Variants in GRK4 observed in about 807,000 individuals in gnomAD.
GRK4 encodes the protein G protein-coupled receptor kinase 2-like.
GRK4 carries 73 observed loss-of-function variants against 77.9 expected under a neutral mutation model. The observed-to-expected ratio is 0.94, with a 90% CI of 0.78 to 1.14. GRK4 has a LOEUF of 1.14. Ranked by LOEUF, GRK4 falls within the 50% of genes most tolerant of loss-of-function variation. The pLI is 0.00. For missense variants in GRK4, 729 were observed against 700.2 expected, an observed-to-expected ratio of 1.04 and a Z score of -0.46; for synonymous variants, 257 against 254.4, an observed-to-expected ratio of 1.01 and a Z score of -0.10.
intron 4 of GRK4, among the ~76,000 whole-genome samples, chr4:3,003,369 T>G (rs1182902609): frequency 6.6e-6 from 1 of 152,124 alleles, no homozygotes; most frequent in Admixed American, 6.6e-5. Flanking sequence ...TTTGTATTTT[T>G]TAGTAAAGAC....
At chr4:3,037,595 G>GTT in intron 14 of GRK4, 84 bp downstream of exon 14, 1 of 1,429,834 alleles carries the variant, frequency 7.0e-7, no homozygotes, top group Admixed American at 1.9e-5. Flanking sequence ...GTGTGTGTGT[G>GTT]TGTGTCTGTG....
intron 2 of GRK4, chr4:2,987,005 T>C (rs1560383029): frequency 2.1e-5 from 8 of 375,290 alleles, no homozygotes; most frequent in Non-Finnish European, 4.1e-5. Flanking sequence ...AGTATATAAT[T>C]CAATAGTTTT....
intron 3 of GRK4, among the ~76,000 whole-genome samples, chr4:2,991,451 G>A (rs1347330763): frequency 6.6e-6 from 1 of 152,202 alleles, no homozygotes; most frequent in African/African-American, 2.4e-5. Context: ...TGCAGGATCA[G>A]ACTTGCTTTC....
chr4:2,981,678 GA>G (rs1722911444), intron 1 of GRK4, among the ~76,000 whole-genome samples: 1 of 152,228 alleles, frequency 6.6e-6, no homozygotes. Flanking sequence ...GGCGGGCCCA[GA>G]AAAACCACCA....
chr4:2,978,867 C>T (rs549781961), intron 1 of GRK4, among the ~76,000 whole-genome samples: 2 of 152,124 alleles, frequency 1.3e-5, no homozygotes, highest in East Asian at 1.9e-4. Context: ...CCGAGGTGGG[C>T]GGATCTCCTG....
intron 7 of GRK4, among the ~76,000 whole-genome samples, chr4:3,012,844 T>A (rs1733293887): frequency 6.6e-6 from 1 of 152,094 alleles, no homozygotes; most frequent in Admixed American, 6.5e-5. Flanking sequence ...AATTAAAAAA[T>A]CAAGAATCTT....
At chr4:3,023,438 G>A (rs1736611533) in intron 10 of GRK4, among the ~76,000 whole-genome samples, 1 of 152,210 alleles carries the variant, frequency 6.6e-6, no homozygotes, top group Admixed American at 6.5e-5. Context: ...CTGCCGAGAA[G>A]AGGACAGGCG....
intron 1 of GRK4, 132 bp from the exon 2 acceptor site, chr4:2,984,381 G>A (rs972037329): frequency 4.1e-5 from 20 of 491,956 alleles, no homozygotes; most frequent in African/African-American, 3.4e-4. Flanking sequence ...ATTATTATAA[G>A]CATGTATTTT....
At position 2,992,305 on chromosome 4, in the gene GRK4, CT is replaced by C. The variant is rs1260231680; in HGVS notation, c.339+16del. 1 of 1,540,400 alleles carries C rather than the reference CT, an allele frequency of 6.5e-7. No homozygotes were observed. ...CTTCAATGATAAGGTGTGTTTTCTT[CT>C]TTAGAATAAAAATTTGTAGATAAAT... On this transcript the variant is annotated intron_variant, in intron 4 of 15. Coordinates refer to ENST00000398052, the MANE Select transcript of GRK4 (RefSeq NM_182982.3).
intron 4 of GRK4, among the ~76,000 whole-genome samples, chr4:2,998,409 C>T (rs772174068): frequency 3.3e-5 from 5 of 151,848 alleles, no homozygotes; most frequent in Admixed American, 6.6e-5. Flanking sequence ...AAGTAAAACT[C>T]TATTTGCAAA....
intron 1 of GRK4, among the ~76,000 whole-genome samples, chr4:2,975,907 T>A (rs773491372): frequency 7.2e-5 from 11 of 152,226 alleles, no homozygotes; most frequent in Non-Finnish European, 1.3e-4. Flanking sequence ...TCAGTCCTGC[T>A]AAAGTTCCAT....
chr4:3,001,850 C>A (rs1484090155), intron 4 of GRK4, among the ~76,000 whole-genome samples: 2 of 152,092 alleles, frequency 1.3e-5, no homozygotes, highest in African/African-American at 4.8e-5. Flanking sequence ...GTCGCTTGGC[C>A]CTATCACAGT....
rs183415333 is a variant in GRK4 at position 2,969,971 on chromosome 4, A to G, written c.52+5849A>G. 2.3e-3 allele frequency among the ~76,000 whole-genome samples: 351 copies of G among 152,300 alleles called. 3 individuals are homozygous for G. Among genetic ancestry groups the G allele is most frequent in the South Asian group, 4.6e-3 (22 of 4,828 alleles). On this transcript the variant is annotated intron_variant, in intron 1 of 15. Coordinates refer to ENST00000398052, the MANE Select transcript of GRK4 (RefSeq NM_182982.3). ...TGCTGGGATTACAGGGTGAACCACT[A>G]CACCCGGCCTATTAGAATTTTCAAC...
Position 3,006,115 on chromosome 4 carries a change from C to T in GRK4, c.444-1621C>T, listed in dbSNP as rs370141428. On this transcript the variant is annotated intron_variant, in intron 5 of 15. Transcript: ENST00000398052. ...GATTTTCAGGCCAGGCATGGTGGCT[C>T]ACGCCTGTAATCCCAACACTTTGGG... Among the ~76,000 whole-genome samples, 178 of 152,240 alleles carry T rather than the reference C, an allele frequency of 1.2e-3. 2 individuals carry two copies. In the Middle Eastern group the frequency reaches 0.017, roughly 15 times the overall value.
At chr4:2,965,598 A>G in intron 1 of GRK4, 1 of 632,294 alleles carries the variant, frequency 1.6e-6, no homozygotes, top group South Asian at 1.8e-5. Context: ...AGTCCCAGCT[A>G]CTCTGGAAGC....
chr4:2,994,804 C>T (rs1428918226), intron 4 of GRK4, among the ~76,000 whole-genome samples: 3 of 151,966 alleles, frequency 2.0e-5, no homozygotes, highest in South Asian at 2.1e-4. Flanking sequence ...ATTTTAAGTT[C>T]GGGGGTACAT....
intron 10 of GRK4, among the ~76,000 whole-genome samples, chr4:3,026,389 C>T (rs368547956): frequency 2.6e-4 from 40 of 151,960 alleles, no homozygotes; most frequent in African/African-American, 7.2e-4. Context: ...GACAATGATA[C>T]GAAAAAAATA....
chr4:2,979,460 C>T (rs1322788609), intron 1 of GRK4, among the ~76,000 whole-genome samples: 1 of 149,950 alleles, frequency 6.7e-6, no homozygotes, highest in Non-Finnish European at 1.5e-5. Flanking sequence ...CGCCTGTAAT[C>T]CCAGCACTTT....
chr4:2,998,743 C>T (rs1274778702), intron 4 of GRK4, among the ~76,000 whole-genome samples: 3 of 151,974 alleles, frequency 2.0e-5, no homozygotes, highest in African/African-American at 7.3e-5. Context: ...ATCTCCTGTT[C>T]GTGGATCAGA....
Sources: gnomAD v4.1 joint callset for allele counts (sites outside exome capture counted in the v4.1 genomes callset) on GRCh38, gnomAD v4.1.1 for gene constraint, MANE v1.5 for transcripts, NCBI Gene and HGNC (gene_info 2026-07-23, HGNC 2026-07-21) for gene names.